Variants in CNGB1 observed in about 807,000 individuals in gnomAD.
CNGB1 encodes cyclic nucleotide gated channel subunit beta 1, also known as cyclic nucleotide-gated channel beta-1.
In CNGB1, 126 loss-of-function variants were observed where a neutral mutation model predicts 151.7. The ratio of observed to expected loss-of-function variants is 0.83; its 90% CI spans 0.72 to 0.96. The LOEUF (loss-of-function observed/expected upper bound fraction) is 0.96, where lower values mean the gene tolerates loss of function less well. Among genes scored for constraint, CNGB1 ranks in the 40% least tolerant of loss-of-function variants. CNGB1 has a pLI of 0.00. For missense variants in CNGB1, 1,698 were observed against 1,627.0 expected (o/e 1.04, Z -0.75); for synonymous variants, 623 against 635.1 (o/e 0.98, Z 0.29).
intron 17 of CNGB1, among the ~76,000 whole-genome samples, chr16:57,926,689 G>A (rs1336929960): frequency 6.6e-6 from 1 of 152,166 alleles, no homozygotes; most frequent in Non-Finnish European, 1.5e-5. Context: ...CCTAGAAAGT[G>A]CACACTGCCG....
chr16:57,932,564 G>A (rs935717841), intron 16 of CNGB1, among the ~76,000 whole-genome samples: 4 of 151,298 alleles, frequency 2.6e-5, no homozygotes, highest in Non-Finnish European at 4.4e-5. Context: ...CACCACGCCC[G>A]GCTAGTTTTT....
intron 27 of CNGB1, among the ~76,000 whole-genome samples, chr16:57,903,013 G>T (rs1214147583): frequency 6.6e-6 from 1 of 152,014 alleles, no homozygotes; most frequent in Non-Finnish European, 1.5e-5. Flanking sequence ...ATAAACTCAG[G>T]ACCCCAACCT....
chr16:57,954,959 C>T lies in CNGB1; in HGVS notation c.874+2382G>A, dbSNP rs373573765. ...AGACAGGGTCTCACTGTGTTGCCCACGGTGGTCTCGAACTTCGGGGCTCAA... is the reference window on the plus strand; with the variant it reads ...AGACAGGGTCTCACTGTGTTGCCCATGGTGGTCTCGAACTTCGGGGCTCAA... On this transcript the variant is annotated intron_variant, in intron 12 of 32. Transcript: ENST00000251102. 4.5e-4 allele frequency: 494 copies of T among 1,095,828 alleles called. 2 individuals are homozygous for T. The African/African-American group carries it at 7.0e-3, about 16-fold the overall frequency. The allele number at this position is 1,095,828 out of a possible 1,614,324, so 67.9% of individuals were successfully genotyped here.
At chr16:57,960,806 A>G (rs1962233190) in intron 8 of CNGB1, 34 bp downstream of exon 8, 1 of 1,605,418 alleles carries the variant, frequency 6.2e-7, no homozygotes, top group Non-Finnish European at 8.5e-7. Flanking sequence ...CCCCCCATAT[A>G]CTCAACTCCC....
chr16:57,902,930 G>A (rs1334204447), intron 27 of CNGB1, among the ~76,000 whole-genome samples: 1 of 152,172 alleles, frequency 6.6e-6, no homozygotes, highest in African/African-American at 2.4e-5. Flanking sequence ...AACCCAAGAG[G>A]TGCCCTACTA....
At chr16:57,917,144 C>T (rs1486276042) in intron 21 of CNGB1, 124 bp downstream of exon 21, 5 of 820,202 alleles carry the variant, frequency 6.1e-6, no homozygotes, top group African/African-American at 3.4e-5. Flanking sequence ...GCACAGCAGC[C>T]GTTCTTGAGA....
At position 57,912,493 on chromosome 16, in the gene CNGB1, C is replaced by T. The variant is rs141522827; in HGVS notation, c.2369+437G>A. ...GAGGCGGGACCAGGAAGATGCCTGG[C>T]TTCCAGTGGAGACGGGGCCTGGAGG... On this transcript the variant is annotated intron_variant, in intron 24 of 32. Transcript: ENST00000251102. Among the ~76,000 whole-genome samples the T allele has an allele frequency of 4.6e-3, 697 of 152,224 alleles. 7 individuals carry two copies. Among genetic ancestry groups the T allele is most frequent in the African/African-American group, 0.015 (624 of 41,544 alleles).
At chr16:57,938,048 G>A (rs550576479) in intron 16 of CNGB1, among the ~76,000 whole-genome samples, 45 of 152,302 alleles carry the variant, frequency 3.0e-4, no homozygotes, top group Middle Eastern at 3.4e-3. Context: ...TCTGGATCGC[G>A]GCCCAAGTTA....
At chr16:57,901,324 T>TGGTGAA in intron 29 of CNGB1, 28 bp downstream of exon 29, 5 of 1,610,740 alleles carry the variant, frequency 3.1e-6, no homozygotes, top group Non-Finnish European at 4.2e-6. Context: ...GAACCCCAGA[T>TGGTGAA]CCCGTGGTGG....
chr16:57,940,781 C>G (rs76738974), intron 14 of CNGB1, among the ~76,000 whole-genome samples: 21 of 152,050 alleles, frequency 1.4e-4, no homozygotes, highest in Non-Finnish European at 2.8e-4. Flanking sequence ...AGTGACCTGG[C>G]AAAATCACAC....
chr16:57,908,578 T>C (rs1464640540), intron 25 of CNGB1, among the ~76,000 whole-genome samples: 4 of 152,338 alleles, frequency 2.6e-5, no homozygotes, highest in Non-Finnish European at 5.9e-5. Flanking sequence ...GTCACTTCTT[T>C]AGGGTGGGAG....
chr16:57,917,630 A>G (rs1331429911), intron 20 of CNGB1, among the ~76,000 whole-genome samples, 154 bp from the exon 21 acceptor site: 2 of 73,870 alleles, frequency 2.7e-5, no homozygotes, highest in Admixed American at 2.2e-4. Flanking sequence ...GTATATATAC[A>G]CACACACACA....
chr16:57,922,189 A>G (rs549946381), intron 18 of CNGB1, among the ~76,000 whole-genome samples: 2 of 152,160 alleles, frequency 1.3e-5, no homozygotes, highest in Admixed American at 1.3e-4. Flanking sequence ...GGATAGAAAA[A>G]AAGACTGGAA....
rs1455178098 is a variant in CNGB1, at chr16:57,962,983, G to A, written c.372C>T (p.Asp124=). 1 of 1,613,276 alleles carries A rather than the reference G, an allele frequency of 6.2e-7. No individual in the cohort carries two copies. The highest frequency in any genetic ancestry group is 2.2e-5 in the East Asian group (1 of 44,854). ...IPQPVHSITE[D]PAQILGHGST... is the part of the protein sequence containing the mutation. ...CCAGCCCCAGCAGTACCTGAGCCGG[G>A]TCCTCCGTGATGCTGTGAACAGGCT... The change falls in exon 5 of 33, where the codon GAC becomes GAT. Residue 124 remains aspartate, a synonymous_variant. Transcript: ENST00000251102.
At chr16:57,932,382 C>T (rs1961377449) in intron 16 of CNGB1, among the ~76,000 whole-genome samples, 1 of 151,178 alleles carries the variant, frequency 6.6e-6, no homozygotes, top group African/African-American at 2.4e-5. Context: ...GGCACAAGTA[C>T]TCACATTCTT....
rs763330590 is a variant in CNGB1, at chr16:57,884,367, C to T, written c.3553G>A (p.Ala1185Thr). ...GGGGGCTCGGGGGGCGTCCGGGGCGCGGGTGGGTCGGTGGCGGCCTCCTTT... is the reference window on the plus strand; with the variant it reads ...GGGGGCTCGGGGGGCGTCCGGGGCGTGGGTGGGTCGGTGGCGGCCTCCTTT... ...HPKEAATDPP[A>T]PRTPPEPPGS... The change falls in exon 33 of 33, where the codon GCG becomes ACG. Residue 1185 changes from alanine (A) to threonine (T), a missense_variant. Coordinates refer to ENST00000251102, the MANE Select transcript of CNGB1 (RefSeq NM_001297.5). The T allele has an allele frequency of 1.9e-6, 3 of 1,611,072 alleles. No homozygotes were observed. Among genetic ancestry groups the T allele is most frequent in the East Asian group, 4.5e-5 (2 of 44,754 alleles).
chr16:57,916,027 G>C, intron 22 of CNGB1, 102 bp downstream of exon 22: 1 of 1,116,394 alleles, frequency 9.0e-7, no homozygotes, highest in East Asian at 2.4e-5. Context: ...CCCTCCGTGT[G>C]GCAGAAACCA....
At position 57,960,083 on chromosome 16, in the gene CNGB1, C is replaced by T. The variant is rs932485000; in HGVS notation, c.584-18G>A. 2.1e-5 allele frequency: 32 copies of T among 1,542,886 alleles called. No individual in the cohort carries two copies. The highest frequency in any genetic ancestry group is 2.8e-5 in the Non-Finnish European group (32 of 1,149,840). ...TGGAGGCGCTAAGCAGCGGGGAAAG[C>T]AGGAGCTAGAGACGCCATCCCTTGA... On this transcript the variant is annotated intron_variant, in intron 9 of 32. Coordinates refer to ENST00000251102, the MANE Select transcript of CNGB1 (RefSeq NM_001297.5).
intron 9 of CNGB1, 44 bp from the exon 10 acceptor site, chr16:57,960,109 G>C: frequency 6.5e-7 from 1 of 1,535,628 alleles, no homozygotes; most frequent in Non-Finnish European, 8.7e-7. Flanking sequence ...CATCCCTTGA[G>C]GGCTTCCTCC....
Sources: gnomAD v4.1 joint callset for allele counts (sites outside exome capture counted in the v4.1 genomes callset) on GRCh38, gnomAD v4.1.1 for gene constraint, MANE v1.5 for transcripts, NCBI Gene and HGNC (gene_info 2026-07-23, HGNC 2026-07-21) for gene names.